The following ABCA6 variants were observed in gnomAD, a reference collection of about 807,000 sequenced individuals.
ABCA6 encodes the protein ATP-binding cassette sub-family A member 6.
In ABCA6, 164 loss-of-function variants were observed where a neutral mutation model predicts 191.2. The ratio of observed to expected loss-of-function variants is 0.86; its 90% CI spans 0.76 to 0.98. The LOEUF is 0.98. Ranked by LOEUF, ABCA6 falls within the 50% of genes least tolerant of loss-of-function variation. The pLI, the probability that ABCA6 is intolerant of heterozygous loss-of-function variation, is 0.00. For missense variants in ABCA6, 1,958 were observed against 1,894.1 expected, an observed-to-expected ratio of 1.03 and a Z score of -0.63; for synonymous variants, 636 against 647.7, an observed-to-expected ratio of 0.98 and a Z score of 0.27.
chr17:69,118,164 C>T (rs986818049), intron 10 of ABCA6, among the ~76,000 whole-genome samples: 6 of 152,180 alleles, frequency 3.9e-5, no homozygotes, highest in African/African-American at 1.4e-4. Flanking sequence ...TCTCAAGTTA[C>T]AATTAAACTA....
At chr17:69,087,905 CA>C (rs976749729) in intron 28 of ABCA6, among the ~76,000 whole-genome samples, 2 of 152,116 alleles carry the variant, frequency 1.3e-5, no homozygotes, top group African/African-American at 4.8e-5. Flanking sequence ...CAAGGATGCA[CA>C]ATTATCTCAG....
intron 15 of ABCA6, chr17:69,112,648 T>G (rs2073448778): frequency 5.6e-6 from 1 of 179,620 alleles, no homozygotes; most frequent in African/African-American, 2.4e-5. Flanking sequence ...CACTGAAGAC[T>G]CGGAAGGGTG....
chr17:69,096,356 G>T lies in ABCA6; in HGVS notation c.3295-3C>A. 1 of 1,376,494 alleles carries T rather than the reference G, an allele frequency of 7.3e-7. No individual in the cohort carries two copies. The highest frequency in any genetic ancestry group is 9.8e-7 in the Non-Finnish European group (1 of 1,017,596). 85.3% of individuals were successfully genotyped at this position (1,376,494 alleles called of 1,614,324 possible). ...GCATAACCAGGAGTAACTATAACCT[G>T]AGCATAAAAGAAATAATAACATAGT... is the stretch of plus-strand genomic sequence containing the variant. On this transcript the variant is annotated splice_polypyrimidine_tract_variant and splice_region_variant and intron_variant, in intron 24 of 38. Coordinates refer to ENST00000284425, the MANE Select transcript of ABCA6 (RefSeq NM_080284.3).
At position 69,085,829 on chromosome 17, in the gene ABCA6, G is replaced by A. The variant is rs191770733; in HGVS notation, c.3938-113C>T. 4 of 713,266 alleles carry A rather than the reference G, an allele frequency of 5.6e-6. No individual in the cohort carries two copies. In the East Asian group the frequency reaches 1.1e-4, roughly 20 times the overall value. The allele number at this position is 713,266 out of a possible 1,614,324, so 44.2% of individuals were successfully genotyped here. On this transcript the variant is annotated intron_variant, in intron 30 of 38. Coordinates refer to ENST00000284425, the MANE Select transcript of ABCA6 (RefSeq NM_080284.3). ...TGCACCCTTCAGTTAGTACCATTTT[G>A]AGATTGATAACATATATGTAATCCA...
intron 7 of ABCA6, 119 bp from the exon 8 acceptor site, chr17:69,128,923 G>T: frequency 1.3e-6 from 1 of 781,396 alleles, no homozygotes; most frequent in Non-Finnish European, 2.0e-6. Context: ...CAGTGAGAAA[G>T]TGGTGAAAAT....
At position 69,112,232 on chromosome 17, in the gene ABCA6, C is replaced by G. The variant is rs754278668; in HGVS notation, c.2083G>C (p.Gly695Arg). Residue 695 changes from glycine (G) to arginine (R), a missense_variant, in exon 16 of 39, where the codon GGT (glycine) becomes CGT (arginine). Transcript: ENST00000284425. ...IMSNGRLKCA[G>R]SSMFLKRRWG... ...CTTCTTTTCAAAAACATAGAAGAAC[C>G]TGCACACTTCAGTCTCCCATTGGAC... The G allele has an allele frequency of 6.2e-7, 1 of 1,612,630 alleles. No homozygotes were observed. The highest frequency in any genetic ancestry group is 1.1e-5 in the South Asian group (1 of 91,004).
Position 69,091,523 on chromosome 17 carries a change from C to CTTTTTTTTTTTTTTTTTT in ABCA6, c.3409-262_3409-261insAAAAAAAAAAAAAAAAAA, listed in dbSNP as rs1196866549. Among the ~76,000 whole-genome samples, 12 of 76,406 alleles carry CTTTTTTTTTTTTTTTTTT rather than the reference C, an allele frequency of 1.6e-4. 1 individual carries two copies. Among genetic ancestry groups the CTTTTTTTTTTTTTTTTTT allele is most frequent in the African/African-American group, 6.1e-4 (9 of 14,826 alleles). The allele number at this position is 76,406 out of a possible 152,430, so 50.1% of individuals were successfully genotyped here. ...AAAGCTAAAATGACCAAATAGACTT[C>CTTTTTTTTTTTTTTTTTT]TTTTTTTTTTTTTTTTTGAGACGGA... is the stretch of plus-strand genomic sequence containing the variant. On this transcript the variant is annotated intron_variant, in intron 25 of 38. Transcript: ENST00000284425.
Position 69,091,208 on chromosome 17 carries a change from A to G in ABCA6, c.3463T>C (p.Leu1155=). ...TLINHFDLSI[L]ITTMVLVPSY... is the part of the protein sequence containing the mutation. Reference sequence around the variant, plus strand: ...GGAACCAATACCATGGTGGTAATCAATATACTTAGGTCAAAATGATTGATT... The same window carrying G: ...GGAACCAATACCATGGTGGTAATCAGTATACTTAGGTCAAAATGATTGATT... The change falls in exon 26 of 39, where the codon TTG becomes CTG. Residue 1155 remains leucine (L), a synonymous_variant. Coordinates refer to ENST00000284425, the MANE Select transcript of ABCA6 (RefSeq NM_080284.3). 6.2e-7 allele frequency: 1 copy of G among 1,612,226 alleles called. No homozygotes were observed. The highest frequency in any genetic ancestry group is 8.5e-7 in the Non-Finnish European group (1 of 1,179,470).
chr17:69,090,180 A>G (rs1368168688), intron 26 of ABCA6, among the ~76,000 whole-genome samples: 2 of 152,190 alleles, frequency 1.3e-5, no homozygotes, highest in Non-Finnish European at 2.9e-5. Context: ...GCCAATGGAG[A>G]TGTATTTTTG....
intron 6 of ABCA6, among the ~76,000 whole-genome samples, chr17:69,132,953 A>G (rs1430752017): frequency 1.3e-5 from 2 of 152,218 alleles, no homozygotes; most frequent in Non-Finnish European, 2.9e-5. Context: ...GTAAATATGT[A>G]TACATAGCAC....
intron 37 of ABCA6, among the ~76,000 whole-genome samples, chr17:69,080,460 GT>G (rs1015834941): frequency 7.2e-5 from 11 of 152,080 alleles, no homozygotes; most frequent in Non-Finnish European, 1.5e-4. Context: ...GAATGACGGG[GT>G]TGAAAGCAGA....
At chr17:69,090,756 T>A (rs867849029) in intron 26 of ABCA6, among the ~76,000 whole-genome samples, 1 of 152,204 alleles carries the variant, frequency 6.6e-6, no homozygotes, top group African/African-American at 2.4e-5. Context: ...TATGAGTTTA[T>A]CCTCAGCGGC....
chr17:69,133,426 G>A (rs1395326585), intron 6 of ABCA6, among the ~76,000 whole-genome samples: 3 of 152,116 alleles, frequency 2.0e-5, no homozygotes, highest in African/African-American at 4.8e-5. Flanking sequence ...TATCAGTGTT[G>A]GCTTAAGACA....
chr17:69,091,983 G>A (rs867017109), intron 25 of ABCA6, among the ~76,000 whole-genome samples: 27 of 152,212 alleles, frequency 1.8e-4, no homozygotes, highest in African/African-American at 6.3e-4. Flanking sequence ...AATCCATACT[G>A]TCTCTCAACC....
chr17:69,105,412 A>C (rs906482190), intron 20 of ABCA6, 50 bp downstream of exon 20: 1 of 1,521,046 alleles, frequency 6.6e-7, no homozygotes, highest in Non-Finnish European at 8.9e-7. Context: ...TGTGCTATTC[A>C]ACAATAAAAA....
rs1036329107 is a variant in ABCA6 at position 69,134,570 on chromosome 17, C to T, written c.564+69G>A. 6 of 1,102,000 alleles carry T rather than the reference C, an allele frequency of 5.4e-6. No homozygotes were observed. The Admixed American group carries it at 1.2e-4, about 22-fold the overall frequency. 68.3% of individuals were successfully genotyped at this position (1,102,000 alleles called of 1,614,324 possible). A position where few individuals can be genotyped will look rare whatever the true frequency, so the allele number is the denominator to read the frequency against. On this transcript the variant is annotated intron_variant, in intron 5 of 38. Coordinates refer to ENST00000284425, the MANE Select transcript of ABCA6 (RefSeq NM_080284.3). ...CAAACGGACTAAGACAATTATCTTT[C>T]ATCAAAAATCTTGAGGTCTCTGGAA...
intron 34 of ABCA6, 50 bp from the exon 35 acceptor site, chr17:69,083,381 G>GA (rs769637483): frequency 1.5e-5 from 22 of 1,495,672 alleles, no homozygotes; most frequent in South Asian, 7.2e-5. Context: ...AAGTGCAGAA[G>GA]AAAAAAAAGA....
chr17:69,089,287 G>A (rs1451557559), intron 27 of ABCA6, among the ~76,000 whole-genome samples, 178 bp downstream of exon 27: 1 of 152,136 alleles, frequency 6.6e-6, no homozygotes, highest in East Asian at 1.9e-4. Flanking sequence ...GACACATATA[G>A]CCAATCCAAG....
intron 10 of ABCA6, 148 bp from the exon 11 acceptor site, chr17:69,118,104 C>A (rs914518120): frequency 2.5e-5 from 12 of 489,322 alleles, no homozygotes; most frequent in Non-Finnish European, 4.0e-5. Context: ...AAAGAAAAAA[C>A]CCTATTTTTG....
Sources: allele counts gnomAD v4.1 joint callset (sites outside exome capture counted in the v4.1 genomes callset), GRCh38; gene constraint gnomAD v4.1.1; transcripts MANE v1.5; gene names NCBI Gene and HGNC (gene_info 2026-07-23, HGNC 2026-07-21).